KIAA1217: variants seen among roughly 807,000 people sequenced by gnomAD.
The protein encoded by KIAA1217 is KIAA1217, also known as sickle tail protein homolog.
In KIAA1217, 88 loss-of-function variants were observed where a neutral mutation model predicts 163.9. That is an observed-to-expected ratio of 0.54 (90% CI 0.45 to 0.64). The LOEUF (loss-of-function observed/expected upper bound fraction) is 0.64, where lower values mean the gene tolerates loss of function less well. Among genes scored for constraint, KIAA1217 ranks in the 30% least tolerant of loss-of-function variants. The pLI is 0.00. For synonymous variants in KIAA1217, 903 were observed against 923.1 expected (o/e 0.98, Z 0.39); for missense variants, 2,372 against 2,475.0 (o/e 0.96, Z 0.88).
intron 1 of KIAA1217, among the ~76,000 whole-genome samples, chr10:23,801,971 A>T (rs1345805433): frequency 6.6e-6 from 1 of 152,192 alleles, no homozygotes; most frequent in African/African-American, 2.4e-5. Context: ...ATATTCCCTA[A>T]AGTCCTTCTT....
intron 6 of KIAA1217, chr10:24,481,423 A>C (rs1003212852): frequency 6.6e-6 from 1 of 152,126 alleles, no homozygotes; most frequent in Non-Finnish European, 1.5e-5. Context: ...TGAGAGTGAC[A>C]ATGTCTCCTT....
chr10:24,017,847 G>A (rs773754213), intron 2 of KIAA1217, among the ~76,000 whole-genome samples: 1 of 152,020 alleles, frequency 6.6e-6, no homozygotes, highest in South Asian at 2.1e-4. Context: ...TAGCAATGTG[G>A]AACAACATAC....
intron 2 of KIAA1217, among the ~76,000 whole-genome samples, chr10:24,359,101 T>G (rs11014054): frequency 7.9e-6 from 1 of 126,320 alleles, no homozygotes; most frequent in Non-Finnish European, 1.7e-5. Flanking sequence ...TTTTTTTTTG[T>G]TTTTTTGAGA....
chr10:24,524,479 T>A lies in KIAA1217; in HGVS notation c.2613T>A (p.Asp871Glu). 1 of 1,614,190 alleles carries A rather than the reference T, an allele frequency of 6.2e-7. No homozygotes were observed. The highest frequency in any genetic ancestry group is 8.5e-7 in the Non-Finnish European group (1 of 1,180,036). ...TCCACAGCACAGGTGCCCCTGGCGA[T>A]GCGAAGTCGGAAGTGGTGCCTTTGT... ...QPFHSTGAPG[D>E]AKSEVVPLSG... Residue 871 changes from aspartate to glutamate, a missense_variant, in exon 13 of 21, where the codon GAT becomes GAA. Transcript: ENST00000376454.
chr10:24,528,261 C>A, intron 14 of KIAA1217, 142 bp downstream of exon 14: 1 of 628,614 alleles, frequency 1.6e-6, no homozygotes, highest in Non-Finnish European at 2.7e-6. Flanking sequence ...CCTGGAAGAG[C>A]AAATCCTCTG....
At chr10:23,972,573 T>G (rs1194889107) in intron 1 of KIAA1217, among the ~76,000 whole-genome samples, 5 of 151,488 alleles carry the variant, frequency 3.3e-5, no homozygotes, top group Admixed American at 2.6e-4. Context: ...TATGTAAATT[T>G]TATTATACTT....
chr10:24,105,824 A>G (rs1425724304), intron 2 of KIAA1217, among the ~76,000 whole-genome samples: 1 of 152,224 alleles, frequency 6.6e-6, no homozygotes, highest in Non-Finnish European at 1.5e-5. Context: ...TATGGCAACC[A>G]TCAATCCACA....
intron 1 of KIAA1217, among the ~76,000 whole-genome samples, chr10:23,717,908 C>T (rs1837665025): frequency 6.6e-6 from 1 of 152,172 alleles, no homozygotes; most frequent in Non-Finnish European, 1.5e-5. Context: ...TAGCAATGAT[C>T]ATAAAACATT....
chr10:23,923,325 A>G (rs750508568), intron 1 of KIAA1217, among the ~76,000 whole-genome samples: 2 of 152,142 alleles, frequency 1.3e-5, no homozygotes, highest in African/African-American at 2.4e-5. Flanking sequence ...AAGTGTCCCA[A>G]GAAAGACCTT....
upstream of KIAA1217, among the ~76,000 whole-genome samples, chr10:24,204,477 T>C (rs1175642868): frequency 6.6e-6 from 1 of 152,218 alleles, no homozygotes; most frequent in African/African-American, 2.4e-5. Flanking sequence ...TAAGATTAAT[T>C]ATTTTTTAAT....
At chr10:23,727,528 C>T (rs1350804670) in intron 1 of KIAA1217, among the ~76,000 whole-genome samples, 1 of 151,984 alleles carries the variant, frequency 6.6e-6, no homozygotes, top group Non-Finnish European at 1.5e-5. Flanking sequence ...CCACTGCACT[C>T]CAGTCTGGGC....
intron 1 of KIAA1217, among the ~76,000 whole-genome samples, chr10:23,761,805 TC>T (rs1834272536): frequency 6.6e-6 from 1 of 152,068 alleles, no homozygotes; most frequent in South Asian, 2.1e-4. Context: ...GTCCTGAATA[TC>T]CTTGTTAATT....
chr10:23,697,958 T>C (rs1294166889), intron 1 of KIAA1217, among the ~76,000 whole-genome samples: 3 of 152,184 alleles, frequency 2.0e-5, no homozygotes, highest in South Asian at 2.1e-4. Context: ...TATAACTCAG[T>C]AATTTGAGTC....
intron 1 of KIAA1217, among the ~76,000 whole-genome samples, chr10:23,732,625 T>C (rs1838538155): frequency 1.3e-5 from 2 of 152,190 alleles, no homozygotes; most frequent in South Asian, 2.1e-4. Context: ...TCTATTGATC[T>C]CCTGTTTCCA....
intron 2 of KIAA1217, among the ~76,000 whole-genome samples, chr10:24,114,818 G>A (rs1481474293): frequency 6.6e-6 from 1 of 152,154 alleles, no homozygotes; most frequent in African/African-American, 2.4e-5. Flanking sequence ...CCTGACAAGA[G>A]CCTCGCACCA....
At chr10:23,988,375 T>TG (rs1483528255) in intron 1 of KIAA1217, among the ~76,000 whole-genome samples, 1 of 152,244 alleles carries the variant, frequency 6.6e-6, no homozygotes, top group African/African-American at 2.4e-5. Flanking sequence ...AATAGTTTCC[T>TG]GGGGTCTCTG....
chr10:24,146,132 C>G (rs543647519), intron 2 of KIAA1217, among the ~76,000 whole-genome samples: 1 of 152,178 alleles, frequency 6.6e-6, no homozygotes, highest in Admixed American at 6.5e-5. Context: ...GAAAAAAGAA[C>G]CTACTTGTAG....
intron 10 of KIAA1217, among the ~76,000 whole-genome samples, chr10:24,515,303 G>A (rs2069915063): frequency 6.6e-6 from 1 of 152,068 alleles, no homozygotes; most frequent in Non-Finnish European, 1.5e-5. Context: ...CCTGACCTCA[G>A]GTGATCCACC....
chr10:23,875,993 A>G (rs1055579289), intron 1 of KIAA1217, among the ~76,000 whole-genome samples: 34 of 151,972 alleles, frequency 2.2e-4, no homozygotes, highest in Non-Finnish European at 2.1e-4. Flanking sequence ...AGAAATACCT[A>G]ATGTAAATGA....
Sources: allele counts gnomAD v4.1 joint callset (sites outside exome capture counted in the v4.1 genomes callset), GRCh38; gene constraint gnomAD v4.1.1; transcripts MANE v1.5; gene names NCBI Gene and HGNC (gene_info 2026-07-23, HGNC 2026-07-21).